USP28: variants seen among roughly 807,000 people sequenced by gnomAD.
The protein encoded by USP28 is ubiquitin carboxyl-terminal hydrolase 28.
A neutral mutation model predicts 145.0 loss-of-function variants in USP28; 113 were observed. That is an observed-to-expected ratio of 0.78 (90% CI 0.67 to 0.91). The LOEUF is 0.91. Among genes scored for constraint, USP28 ranks in the 40% least tolerant of loss-of-function variants. USP28 has a pLI of 0.00. For synonymous variants in USP28, 447 were observed against 450.9 expected (o/e 0.99, Z 0.11); for missense variants, 1,201 against 1,289.6 (o/e 0.93, Z 1.05).
chr11:113,846,331 G>A (rs1945844594), intron 3 of USP28, among the ~76,000 whole-genome samples: 2 of 151,992 alleles, frequency 1.3e-5, no homozygotes, highest in Admixed American at 1.3e-4. Flanking sequence ...AAAAAAGACT[G>A]GAAAAAAGAA....
intron 1 of USP28, among the ~76,000 whole-genome samples, chr11:113,871,636 G>GGAAAAA (rs1290978554): frequency 6.6e-6 from 1 of 152,044 alleles, no homozygotes; most frequent in Non-Finnish European, 1.5e-5. Context: ...AATGAAAGGG[G>GGAAAAA]GAAAAAGGAA....
intron 24 of USP28, among the ~76,000 whole-genome samples, chr11:113,800,841 ATTTT>A (rs537961894): frequency 7.4e-6 from 1 of 134,420 alleles, no homozygotes. Context: ...ACTCTGCATG[ATTTT>A]TTTTTTTTTT....
At chr11:113,865,987 A>G (rs1948211550) in intron 1 of USP28, among the ~76,000 whole-genome samples, 4 of 152,142 alleles carry the variant, frequency 2.6e-5, no homozygotes, top group African/African-American at 4.8e-5. Flanking sequence ...CACATACATC[A>G]AGAAATCCAA....
chr11:113,852,051 C>T (rs141911063), intron 3 of USP28, among the ~76,000 whole-genome samples: 125 of 152,090 alleles, frequency 8.2e-4, no homozygotes, highest in African/African-American at 2.8e-3. Context: ...TTTTAAGAGA[C>T]GGAGTCTTGC....
chr11:113,804,476 A>C (rs1037762336), intron 21 of USP28, among the ~76,000 whole-genome samples, 197 bp downstream of exon 22: 1 of 152,230 alleles, frequency 6.6e-6, no homozygotes, highest in African/African-American at 2.4e-5. Flanking sequence ...ACTCACTCTA[A>C]ATGAAGAATG....
At chr11:113,803,695 A>C in intron 22 of USP28, 103 bp downstream of exon 23, 3 of 890,202 alleles carry the variant, frequency 3.4e-6, no homozygotes, top group Non-Finnish European at 3.6e-6. Flanking sequence ...TGTATGTGAC[A>C]AGGGAGGTTA....
intron 12 of USP28, among the ~76,000 whole-genome samples, chr11:113,818,552 T>C (rs1290290310): frequency 3.3e-5 from 5 of 152,176 alleles, no homozygotes; most frequent in Admixed American, 2.0e-4. Flanking sequence ...AAACTTATCT[T>C]CAATTTTATG....
At chr11:113,808,020 G>C (rs777896223) in intron 18 of USP28, 71 of 1,238,498 alleles carry the variant, frequency 5.7e-5, no homozygotes, top group Non-Finnish European at 7.0e-5. Context: ...CGACTTCAGA[G>C]ACCTCAGAAT....
chr11:113,812,634 G>C, intron 15 of USP28, 130 bp from the exon 16 acceptor site: 2 of 815,968 alleles, frequency 2.5e-6, no homozygotes, highest in Non-Finnish European at 3.8e-6. Context: ...GTTGATTCAA[G>C]ATGAAGTCCA....
chr11:113,801,371 G>T, intron 24 of USP28, 112 bp downstream of exon 25: 1 of 763,852 alleles, frequency 1.3e-6, no homozygotes, highest in Non-Finnish European at 2.0e-6. Flanking sequence ...TTACTTATAT[G>T]CTAGAAGGTT....
chr11:113,870,303 G>A (rs1193974413), intron 1 of USP28, among the ~76,000 whole-genome samples: 1 of 152,220 alleles, frequency 6.6e-6, no homozygotes, highest in Admixed American at 6.5e-5. Flanking sequence ...AAGGCAGGAG[G>A]ACTGCTTGAG....
rs981184077 is a variant in USP28 at position 113,799,165 on chromosome 11, G to A, written c.*75C>T. On this transcript the variant is annotated 3_prime_UTR_variant, in exon 25 of 25. Transcript: ENST00000003302. ...GCCCACCTAATCCTTTTCCCAAGGT[G>A]AGCACTATGACAACGAACTTCTGTG... The A allele has an allele frequency of 9.3e-6, 14 of 1,498,774 alleles. No individual in the cohort carries two copies. The African/African-American group carries it at 1.2e-4, about 13-fold the overall frequency. The allele number at this position is 1,498,774 out of a possible 1,614,324, so 92.8% of individuals were successfully genotyped here.
intron 1 of USP28, among the ~76,000 whole-genome samples, chr11:113,866,850 A>G (rs1005496220): frequency 4.1e-4 from 63 of 152,262 alleles, no homozygotes; most frequent in Admixed American, 4.0e-3. Flanking sequence ...ATGAAAATTC[A>G]TAACAGAACT....
chr11:113,863,812 G>T (rs1222917658), intron 1 of USP28, among the ~76,000 whole-genome samples: 1 of 152,024 alleles, frequency 6.6e-6, no homozygotes, highest in Non-Finnish European at 1.5e-5. Flanking sequence ...GGGCATGGTG[G>T]CCGGCGCCTG....
intron 11 of USP28, among the ~76,000 whole-genome samples, chr11:113,826,665 A>T (rs1365709703): frequency 6.6e-6 from 1 of 151,970 alleles, no homozygotes; most frequent in Non-Finnish European, 1.5e-5. Context: ...CACACCTGTA[A>T]TACCAGCACT....
intron 1 of USP28, among the ~76,000 whole-genome samples, chr11:113,855,912 C>CAATA (rs1378019444): frequency 6.6e-6 from 1 of 152,038 alleles, no homozygotes; most frequent in Non-Finnish European, 1.5e-5. Context: ...AACTCCGTCT[C>CAATA]AATAAATAAA....
rs1254415649 is a variant in USP28 at position 113,815,316 on chromosome 11, G to A, written c.1530C>T (p.Pro510=). 3.7e-6 allele frequency: 6 copies of A among 1,613,958 alleles called. No homozygotes were observed. The African/African-American group carries it at 6.7e-5, about 18-fold the overall frequency. Reference sequence around the variant, plus strand: ...GAGAAGATGTCAGTGGTTTAGACTTGGGTAAAGAATCTTCAGGAGAAGAAA... The same window carrying A: ...GAGAAGATGTCAGTGGTTTAGACTTAGGTAAAGAATCTTCAGGAGAAGAAA... Residue 510 remains proline, a synonymous_variant, in exon 14 of 25, where the codon CCC becomes CCT. Coordinates refer to ENST00000003302, the Ensembl canonical transcript of USP28.
chr11:113,868,973 A>C (rs1948560889), intron 1 of USP28, among the ~76,000 whole-genome samples: 1 of 151,910 alleles, frequency 6.6e-6, no homozygotes. Context: ...AAATAAAATA[A>C]ATCTCATATG....
chr11:113,829,518 A>C, intron 9 of USP28, 173 bp from the exon 10 acceptor site: 1 of 717,832 alleles, frequency 1.4e-6, no homozygotes. Context: ...GACACTGAAC[A>C]ATGAAAACCA....
Sources: gnomAD v4.1 joint callset for allele counts (sites outside exome capture counted in the v4.1 genomes callset) on GRCh38, gnomAD v4.1.1 for gene constraint, MANE v1.5 for transcripts, NCBI Gene and HGNC (gene_info 2026-07-23, HGNC 2026-07-21) for gene names.